The following TAF8 variants were observed in gnomAD, a reference collection of about 807,000 sequenced individuals.
TAF8 encodes TATA-box binding protein associated factor 8, also known as transcription initiation factor TFIID subunit 8.
TAF8 carries 47 observed loss-of-function variants against 36.5 expected under a neutral mutation model. That is an observed-to-expected ratio of 1.29 (90% CI 1.02 to 1.64). TAF8 has a LOEUF of 1.64. Ranked by LOEUF, TAF8 falls within the 40% of genes most tolerant of loss-of-function variation. The pLI is 0.00. For synonymous variants in TAF8, 175 were observed against 159.5 expected (o/e 1.10, Z -0.73); for missense variants, 420 against 407.6 (o/e 1.03, Z -0.26).
chr6:42,075,179 A>G (rs1296638694), intron 7 of TAF8, among the ~76,000 whole-genome samples: 19 of 152,198 alleles, frequency 1.2e-4, no homozygotes. Context: ...CATTTGTACC[A>G]TTAGGAACTT....
At chr6:42,052,247 C>T (rs1248284716) in intron 2 of TAF8, among the ~76,000 whole-genome samples, 1 of 151,878 alleles carries the variant, frequency 6.6e-6, no homozygotes, top group Non-Finnish European at 1.5e-5. Flanking sequence ...ACTAATTCCC[C>T]ATGCAATAGA....
intron 4 of TAF8, among the ~76,000 whole-genome samples, chr6:42,056,798 G>T (rs1486937089): frequency 1.3e-5 from 2 of 152,060 alleles, no homozygotes; most frequent in African/African-American, 2.4e-5. Flanking sequence ...TAGAGACAGG[G>T]TTTTACCATG....
intron 2 of TAF8, among the ~76,000 whole-genome samples, chr6:42,053,130 A>C (rs1023985745): frequency 5.3e-5 from 8 of 152,224 alleles, no homozygotes; most frequent in Non-Finnish European, 1.2e-4. Context: ...GCTGGCCTCA[A>C]ACTTCTGGAC....
intron 7 of TAF8, among the ~76,000 whole-genome samples, chr6:42,073,447 A>G (rs1236066820): frequency 6.6e-6 from 1 of 152,202 alleles, no homozygotes; most frequent in African/African-American, 2.4e-5. Flanking sequence ...GTTGCATAGT[A>G]TATCAGAAAT....
intron 2 of TAF8, among the ~76,000 whole-genome samples, chr6:42,053,371 C>T (rs190546628): frequency 5.9e-4 from 90 of 152,158 alleles, no homozygotes; most frequent in South Asian, 1.2e-3. Context: ...CAAGACCAAC[C>T]TTGCCAACAT....
At chr6:42,067,892 C>T (rs940143108) in intron 6 of TAF8, among the ~76,000 whole-genome samples, 10 of 152,086 alleles carry the variant, frequency 6.6e-5, no homozygotes, top group Non-Finnish European at 1.3e-4. Flanking sequence ...ATTTTTTATT[C>T]AATTTCTTCC....
At chr6:42,066,944 G>A (rs539812931) in intron 6 of TAF8, among the ~76,000 whole-genome samples, 6 of 152,136 alleles carry the variant, frequency 3.9e-5, no homozygotes, top group South Asian at 2.1e-4. Flanking sequence ...CCTGTGGAAC[G>A]CCCGCTGTGT....
chr6:42,064,820 G>C (rs2127456942), intron 5 of TAF8, among the ~76,000 whole-genome samples: 1 of 151,404 alleles, frequency 6.6e-6, no homozygotes, highest in Middle Eastern at 3.4e-3. Flanking sequence ...AGCCAGGAGT[G>C]GTGGCAGGCG....
intron 5 of TAF8, among the ~76,000 whole-genome samples, chr6:42,060,198 C>T (rs1373689004): frequency 3.3e-5 from 5 of 152,150 alleles, no homozygotes; most frequent in Non-Finnish European, 5.9e-5. Flanking sequence ...TTCTAACCCA[C>T]AAAGACTTTA....
At chr6:42,086,853 T>C (rs758042352), downstream of TAF8, 24 of 1,158,056 alleles carry the variant, frequency 2.1e-5, no homozygotes, top group Non-Finnish European at 7.6e-6. Flanking sequence ...TCTGTGCTCC[T>C]TCCAGCCCTT....
chr6:42,086,737 A>T (rs549977634), downstream of TAF8: 3 of 1,551,194 alleles, frequency 1.9e-6, no homozygotes, highest in East Asian at 4.9e-5. Flanking sequence ...CATTCTAGAG[A>T]ATTGTGAGAC....
intron 1 of TAF8, chr6:42,051,073 C>T: frequency 1.8e-6 from 2 of 1,111,854 alleles, no homozygotes; most frequent in Non-Finnish European, 2.2e-6. Flanking sequence ...CGTGTTTCTT[C>T]AGCTATGTAT....
intron 8 of TAF8, 55 bp downstream of exon 8, chr6:42,077,294 C>T (rs1159544344): frequency 4.3e-5 from 68 of 1,574,488 alleles, no homozygotes; most frequent in Non-Finnish European, 5.6e-5. Flanking sequence ...AGGTGGTCTT[C>T]TCTGCTTCTT....
At chr6:42,075,150 G>A (rs891939187) in intron 7 of TAF8, among the ~76,000 whole-genome samples, 3 of 152,142 alleles carry the variant, frequency 2.0e-5, no homozygotes, top group East Asian at 1.9e-4. Context: ...TAGGATGGAC[G>A]GAGCGAGGAG....
chr6:42,067,732 T>C (rs1280197903), intron 6 of TAF8, among the ~76,000 whole-genome samples: 1 of 151,972 alleles, frequency 6.6e-6, no homozygotes, highest in African/African-American at 2.4e-5. Flanking sequence ...TATACCTGGC[T>C]AATTTTATTT....
At chr6:42,070,874 T>G (rs773083791) in intron 7 of TAF8, among the ~76,000 whole-genome samples, 17 of 152,160 alleles carry the variant, frequency 1.1e-4, no homozygotes, top group Admixed American at 2.0e-4. Context: ...GGGACTAGCC[T>G]TCTTCTGGAC....
chr6:42,061,066 G>C (rs1256231437), intron 5 of TAF8, among the ~76,000 whole-genome samples: 1 of 152,110 alleles, frequency 6.6e-6, no homozygotes, highest in Non-Finnish European at 1.5e-5. Flanking sequence ...CAATAGCACA[G>C]TTCTTAAAGT....
At chr6:42,062,592 T>G (rs1712254518) in intron 5 of TAF8, among the ~76,000 whole-genome samples, 1 of 135,978 alleles carries the variant, frequency 7.4e-6, no homozygotes, top group Non-Finnish European at 1.5e-5. Flanking sequence ...TGGAGTGCAG[T>G]GGTGCGATCT....
chr6:42,050,578 T>C lies in TAF8; in HGVS notation c.37T>C (p.Ser13Pro), dbSNP rs759765030. Residue 13 changes from serine to proline, a missense_variant, in exon 1 of 9, where the codon TCC becomes CCC. By Grantham distance (74) the Ser-to-Pro change is moderately conservative (BLOSUM62 -1). Transcript: ENST00000372977. ...GGCGGCCACAGCTGGGGCCGGTGGC[T>C]CCGGAACGGTAAGGGCAGGAAGCGC... is the stretch of plus-strand genomic sequence containing the variant. ...DAAATAGAGG[S>P]GTRSGSKQST... 28 of 1,554,624 alleles carry C rather than the reference T, an allele frequency of 1.8e-5. No individual in the cohort carries two copies. The highest frequency in any genetic ancestry group is 2.2e-5 in the Non-Finnish European group (25 of 1,149,742).
Sources: gnomAD v4.1 joint callset for allele counts (sites outside exome capture counted in the v4.1 genomes callset) on GRCh38, gnomAD v4.1.1 for gene constraint, MANE v1.5 for transcripts, NCBI Gene and HGNC (gene_info 2026-07-23, HGNC 2026-07-21) for gene names.